NME5: variants seen among roughly 807,000 people sequenced by gnomAD.
NME5 encodes the protein nucleoside diphosphate kinase 5.
A neutral mutation model predicts 21.6 loss-of-function variants in NME5; 18 were observed. That is an observed-to-expected ratio of 0.83 (90% CI 0.58 to 1.24). NME5 has a LOEUF of 1.24. Among genes scored for constraint, NME5 ranks in the 50% most tolerant of loss-of-function variants. The probability of loss-of-function intolerance (pLI) is 0.00; values close to 1 mark genes in which losing one functional copy is unlikely to be tolerated. For missense variants in NME5, 223 were observed against 255.4 expected (o/e 0.87, Z 0.86); for synonymous variants, 70 against 80.6 (o/e 0.87, Z 0.71).
intron 3 of NME5, 105 bp from the exon 4 acceptor site, chr5:138,128,684 C>G (rs1375680880): frequency 3.0e-6 from 2 of 674,562 alleles, no homozygotes; most frequent in East Asian, 2.9e-5. Flanking sequence ...CCACTTCTTA[C>G]ATATGAAAGC....
intron 4 of NME5, among the ~76,000 whole-genome samples, chr5:138,119,856 A>G (rs1332919354): frequency 6.6e-6 from 1 of 151,668 alleles, no homozygotes; most frequent in Non-Finnish European, 1.5e-5. Flanking sequence ...TATATATTCT[A>G]GTTACAAGTT....
intron 4 of NME5, 104 bp from the exon 5 acceptor site, chr5:138,119,040 GT>G: frequency 1.5e-6 from 1 of 649,322 alleles, no homozygotes; most frequent in Non-Finnish European, 2.6e-6. Context: ...TTTTTTATAT[GT>G]TTTTTTGAGA....
chr5:138,122,818 C>T (rs1248070979), intron 4 of NME5, among the ~76,000 whole-genome samples: 1 of 151,736 alleles, frequency 6.6e-6, no homozygotes, highest in Non-Finnish European at 1.5e-5. Context: ...GCTGGGATTA[C>T]AGATGCATGC....
Position 138,129,314 on chromosome 5 carries a change from T to G in NME5, c.284A>C (p.Glu95Ala). 1 of 1,614,114 alleles carries G rather than the reference T, an allele frequency of 6.2e-7. No individual in the cohort carries two copies. The highest frequency in any genetic ancestry group is 8.5e-7 in the Non-Finnish European group (1 of 1,180,002). The change falls in exon 3 of 6, where the codon GAA becomes GCA. Residue 95 changes from glutamate (E) to alanine (A), a missense_variant. By Grantham distance (107) the Glu-to-Ala change is moderately radical. Transcript: ENST00000265191. ...TAAGCTATTATTTGGTCCCAAAAGT[T>G]CTAACCAATAAGAGATGGCTTTATG... ...ARHKAISYWLELLGPNNSLVA... is the reference protein window; with the variant it reads ...ARHKAISYWLALLGPNNSLVA...
chr5:138,128,504 T>C lies in NME5; in HGVS notation c.411A>G (p.Arg137=). The change falls in exon 4 of 6, where the codon AGA becomes AGG. Residue 137 remains arginine, a synonymous_variant. Coordinates refer to ENST00000265191, the MANE Select transcript of NME5 (RefSeq NM_003551.3). ...CTTCAGGAAACATAAAACGTATTTC[T>C]CTTTCCGCAGCAGCAAAGTCATTAC... The part of the protein sequence containing the change: ...HGSNDFAAAE[R]EIRFMFPEVI... The C allele has an allele frequency of 6.2e-7, 1 of 1,613,398 alleles. No homozygotes were observed. Among genetic ancestry groups the C allele is most frequent in the Non-Finnish European group, 8.5e-7 (1 of 1,179,726 alleles).
At chr5:138,124,620 A>C (rs954030483) in intron 4 of NME5, among the ~76,000 whole-genome samples, 3 of 152,090 alleles carry the variant, frequency 2.0e-5, no homozygotes, top group Non-Finnish European at 2.9e-5. Context: ...TGCTGGGCTC[A>C]AGTGAATCTC....
intron 5 of NME5, among the ~76,000 whole-genome samples, chr5:138,117,785 C>T (rs577779825): frequency 5.5e-4 from 83 of 152,200 alleles, no homozygotes; most frequent in African/African-American, 1.9e-3. Flanking sequence ...GAGTTCGAGA[C>T]CAGCCTGGCC....
chr5:138,115,768 T>TG lies in NME5; in HGVS notation c.556-5dup, dbSNP rs1437547862. The TG allele has an allele frequency of 1.3e-6, 2 of 1,557,304 alleles. No individual in the cohort carries two copies. The highest frequency in any genetic ancestry group is 1.7e-6 in the Non-Finnish European group (2 of 1,157,966). ...GCAGCCAATCAGCTAGCCAAATCTA[T>TG]GGGAAAAAAAAAAACAACCTAAGTT... On this transcript the variant is annotated splice_region_variant and splice_polypyrimidine_tract_variant and intron_variant, in intron 5 of 5. Transcript: ENST00000265191.
chr5:138,136,040 T>G (rs1751691091), intron 2 of NME5, among the ~76,000 whole-genome samples: 1 of 152,246 alleles, frequency 6.6e-6, no homozygotes, highest in African/African-American at 2.4e-5. Flanking sequence ...TTATGCAATT[T>G]GATGGGTTTT....
chr5:138,116,089 A>C (rs1022313124), intron 5 of NME5, among the ~76,000 whole-genome samples: 1 of 152,212 alleles, frequency 6.6e-6, no homozygotes, highest in African/African-American at 2.4e-5. Context: ...ATTTCTATAC[A>C]TCAGCAATGA....
intron 5 of NME5, among the ~76,000 whole-genome samples, chr5:138,117,612 A>G (rs1262948626): frequency 1.3e-5 from 2 of 152,216 alleles, no homozygotes; most frequent in African/African-American, 2.4e-5. Flanking sequence ...GATGTTCAAC[A>G]TTAGCCATTA....
intron 3 of NME5, among the ~76,000 whole-genome samples, chr5:138,129,034 C>T (rs941315959): frequency 6.6e-6 from 1 of 152,050 alleles, no homozygotes; most frequent in African/African-American, 2.4e-5. Context: ...AACTATAAAT[C>T]AGACATTCTC....
intron 4 of NME5, among the ~76,000 whole-genome samples, chr5:138,121,366 G>C (rs1363000195): frequency 6.6e-6 from 1 of 152,032 alleles, no homozygotes; most frequent in African/African-American, 2.4e-5. Flanking sequence ...AGGTCAGGCT[G>C]TAGTGGGCAC....
At position 138,127,331 on chromosome 5, in the gene NME5, T is replaced by G. The variant is rs1005250570; in HGVS notation, c.436+1148A>C. 7.6e-6 allele frequency: 3 copies of G among 394,876 alleles called. No homozygotes were observed. The East Asian group carries it at 4.8e-4, about 63-fold the overall frequency. The allele number at this position is 394,876 out of a possible 1,614,324, so 24.5% of individuals were successfully genotyped here. On this transcript the variant is annotated intron_variant, in intron 4 of 5. Coordinates refer to ENST00000265191, the MANE Select transcript of NME5 (RefSeq NM_003551.3). ...GTATTCAAAATGTGAAATGTATTTA[T>G]TTTGAATTCAGAAATTCAAACAACA...
chr5:138,127,548 A>G (rs1751452451), intron 4 of NME5: 1 of 982,550 alleles, frequency 1.0e-6, no homozygotes, highest in Non-Finnish European at 1.2e-6. Flanking sequence ...AAAATAACAT[A>G]CTAAAAAAAT....
At chr5:138,123,944 G>A (rs1172272752) in intron 4 of NME5, among the ~76,000 whole-genome samples, 2 of 120,774 alleles carry the variant, frequency 1.7e-5, no homozygotes, top group Admixed American at 8.5e-5. Context: ...TCTCACCGTG[G>A]TTTTGATCTG....
intron 5 of NME5, among the ~76,000 whole-genome samples, chr5:138,117,588 G>C (rs4493669): frequency 0.98 from 149,559 of 152,280 alleles, 73,504 homozygotes; most frequent in Middle Eastern, 1. Context: ...AAATGGCCAA[G>C]AAGCTCATGA....
intron 4 of NME5, among the ~76,000 whole-genome samples, chr5:138,122,651 G>A (rs1581378122): frequency 1.4e-5 from 2 of 145,656 alleles, no homozygotes; most frequent in African/African-American, 2.5e-5. Flanking sequence ...AATTTATCAG[G>A]TACTAATCAT....
intron 5 of NME5, 42 bp downstream of exon 5, chr5:138,118,776 C>T (rs550647681): frequency 7.4e-7 from 1 of 1,353,424 alleles, no homozygotes; most frequent in African/African-American, 1.4e-5. Flanking sequence ...GCCACCACGC[C>T]TGGTGACAAT....
Sources: allele counts gnomAD v4.1 joint callset (sites outside exome capture counted in the v4.1 genomes callset), GRCh38; gene constraint gnomAD v4.1.1; transcripts MANE v1.5; gene names NCBI Gene and HGNC (gene_info 2026-07-23, HGNC 2026-07-21).